Variants in UGDH observed in about 807,000 individuals in gnomAD.
UGDH encodes the protein UDP-glucose 6-dehydrogenase.
In UGDH, 38 loss-of-function variants were observed where a neutral mutation model predicts 50.6. The ratio of observed to expected loss-of-function variants is 0.75; its 90% CI spans 0.58 to 0.98. The LOEUF is 0.98. Ranked by LOEUF, UGDH falls within the 50% of genes least tolerant of loss-of-function variation. The probability of loss-of-function intolerance (pLI) is 0.00; values close to 1 mark genes in which losing one functional copy is unlikely to be tolerated. For missense variants in UGDH, 465 were observed against 606.2 expected (o/e 0.77, Z 2.45); for synonymous variants, 168 against 199.9 (o/e 0.84, Z 1.35).
intron 1 of UGDH, among the ~76,000 whole-genome samples, chr4:39,525,499 TTC>T (rs1746840941): frequency 2.8e-5 from 2 of 70,628 alleles, no homozygotes; most frequent in Non-Finnish European, 5.7e-5. Context: ...CAGCCCCATT[TTC>T]TTTTCTTTTT....
At chr4:39,502,442 C>T (rs1745856248) in intron 11 of UGDH, among the ~76,000 whole-genome samples, 2 of 152,198 alleles carry the variant, frequency 1.3e-5, no homozygotes, top group African/African-American at 4.8e-5. Context: ...CAGATTAGGC[C>T]TTACTGATAC....
At chr4:39,514,896 G>A (rs1009990905) in intron 2 of UGDH, among the ~76,000 whole-genome samples, 3 of 152,044 alleles carry the variant, frequency 2.0e-5, no homozygotes, top group African/African-American at 7.2e-5. Flanking sequence ...TGGCTAGGAT[G>A]GTCTTGAACT....
chr4:39,515,989 T>G (rs910105687), intron 2 of UGDH, among the ~76,000 whole-genome samples: 2 of 152,168 alleles, frequency 1.3e-5, no homozygotes, highest in African/African-American at 2.4e-5. Context: ...CATGAGCCAC[T>G]GTGCCTGGCC....
At chr4:39,508,411 T>G (rs1165520478) in intron 7 of UGDH, among the ~76,000 whole-genome samples, 155 bp downstream of exon 7, 1 of 152,130 alleles carries the variant, frequency 6.6e-6, no homozygotes, top group Non-Finnish European at 1.5e-5. Flanking sequence ...TTTTTAAAAT[T>G]TTTGTAGAGA....
intron 3 of UGDH, among the ~76,000 whole-genome samples, chr4:39,512,594 C>A (rs1462534913): frequency 6.6e-6 from 1 of 152,160 alleles, no homozygotes. Flanking sequence ...AATGTCCTTT[C>A]TGCAGAAAAT....
At chr4:39,521,069 CAAAAAAAAA>C (rs1179305904) in intron 2 of UGDH, among the ~76,000 whole-genome samples, 2 of 80,070 alleles carry the variant, frequency 2.5e-5, no homozygotes, top group African/African-American at 7.9e-5. Context: ...GACTCCGTCT[CAAAAAAAAA>C]AAAAAAAAAA....
At chr4:39,514,271 G>A (rs1746361688) in intron 2 of UGDH, 87 bp from the exon 3 acceptor site, 2 of 1,061,524 alleles carry the variant, frequency 1.9e-6, no homozygotes, top group South Asian at 2.8e-5. Flanking sequence ...TTTGTTAAAG[G>A]GCATGGTAAT....
intron 3 of UGDH, among the ~76,000 whole-genome samples, chr4:39,511,081 C>T (rs1746227459): frequency 6.6e-6 from 1 of 152,044 alleles, no homozygotes; most frequent in African/African-American, 2.4e-5. Context: ...TGTTAGGAAG[C>T]TACTATCTAT....
At chr4:39,514,513 G>A (rs73238597) in intron 2 of UGDH, among the ~76,000 whole-genome samples, 2 of 151,058 alleles carry the variant, frequency 1.3e-5, no homozygotes, top group Non-Finnish European at 3.0e-5. Context: ...CAGGAGCCAT[G>A]AGGCCTGGCT....
intron 7 of UGDH, 62 bp downstream of exon 7, chr4:39,508,504 G>A (rs1306190835): frequency 1.5e-5 from 23 of 1,509,034 alleles, no homozygotes; most frequent in Middle Eastern, 1.7e-4. Flanking sequence ...AAAGTGCTGC[G>A]ATTACAGGTG....
At chr4:39,511,232 A>G (rs1038556007) in intron 3 of UGDH, among the ~76,000 whole-genome samples, 2 of 151,318 alleles carry the variant, frequency 1.3e-5, no homozygotes, top group Non-Finnish European at 2.9e-5. Context: ...TACATAATAT[A>G]TTATTATAGT....
intron 3 of UGDH, among the ~76,000 whole-genome samples, chr4:39,511,710 CTT>C (rs59465226): frequency 2.5e-4 from 33 of 134,656 alleles, no homozygotes; most frequent in Non-Finnish European, 1.6e-4. Flanking sequence ...CAAAGACTTG[CTT>C]TTTTTTTTTT....
chr4:39,510,864 G>C lies in UGDH; in HGVS notation c.265-3C>G. 1 of 1,614,068 alleles carries C rather than the reference G, an allele frequency of 6.2e-7. No individual in the cohort carries two copies. The highest frequency in any genetic ancestry group is 8.5e-7 in the Non-Finnish European group (1 of 1,180,010). On this transcript the variant is annotated splice_region_variant and splice_polypyrimidine_tract_variant and intron_variant, in intron 3 of 11. Transcript: ENST00000316423. ...TAGGTTTTTGTTGGAGTATTCACCT[G>C]ATGTAAGTATATGGGATAAAGAACA...
At position 39,509,841 on chromosome 4, in the gene UGDH, T is replaced by C. The variant is rs1453094335; in HGVS notation, c.730A>G (p.Thr244Ala). 1.2e-6 allele frequency: 2 copies of C among 1,613,298 alleles called. No homozygotes were observed. The highest frequency in any genetic ancestry group is 1.3e-5 in the African/African-American group (1 of 74,928). The change falls in exon 6 of 12, where the codon ACA becomes GCA. Residue 244 changes from threonine to alanine, a missense_variant. By Grantham distance (58) the Thr-to-Ala change is moderately conservative (BLOSUM62 0). Transcript: ENST00000316423. ...GCTACCTCTTCTACATCAGCTCCTG[T>C]TGCTTCACACAGAGCACTTATGGAG... is the stretch of plus-strand genomic sequence containing the variant. ...INSISALCEA[T>A]GADVEEVATA...
At chr4:39,522,198 A>C (rs1433109279) in intron 1 of UGDH, among the ~76,000 whole-genome samples, 1 of 152,230 alleles carries the variant, frequency 6.6e-6, no homozygotes, top group Non-Finnish European at 1.5e-5. Flanking sequence ...TGGGTTACAC[A>C]GATTTTGATA....
In UGDH at chr4:39,499,166, A is replaced by C. The variant is rs1271579407; in HGVS notation, c.*977T>G. 6.9e-6 allele frequency: 1 copy of C among 145,412 alleles called. No individual in the cohort carries two copies. The highest frequency in any genetic ancestry group is 1.5e-5 in the Non-Finnish European group (1 of 65,218). The allele number at this position is 145,412 out of a possible 1,614,324, so 9.0% of individuals were successfully genotyped here. A position where few individuals can be genotyped will look rare whatever the true frequency, so the allele number is the denominator to read the frequency against. ...GAAATTAAAATGTAAAACCAAGATA[A>C]ATATTTTTGGCTTTTGGACTAAAAA... On this transcript the variant is annotated 3_prime_UTR_variant, in exon 12 of 12. Transcript: ENST00000316423.
chr4:39,508,525 T>C (rs778672270), intron 7 of UGDH, 41 bp downstream of exon 7: 5 of 1,586,606 alleles, frequency 3.2e-6, no homozygotes, highest in South Asian at 2.2e-5. Context: ...TGAACCACTA[T>C]GCCTGGCTAA....
rs149281403 is a variant in UGDH, at chr4:39,503,209, C to T, written c.1374+666G>A. Among the ~76,000 whole-genome samples, 414 of 152,304 alleles carry T rather than the reference C, an allele frequency of 2.7e-3. 2 individuals carry two copies. The highest frequency in any genetic ancestry group is 9.4e-3 in the African/African-American group (392 of 41,550). ...GGATTATAGGCGTGAGCCACCGCGC[C>T]CAGCAATTTTTGTATTTGTTAATAG... On this transcript the variant is annotated intron_variant, in intron 11 of 11. Coordinates refer to ENST00000316423, the MANE Select transcript of UGDH (RefSeq NM_003359.4).
Position 39,510,813 on chromosome 4 carries a change from C to G in UGDH, c.313G>C (p.Asp105His). The G allele has an allele frequency of 6.2e-7, 1 of 1,614,194 alleles. No individual in the cohort carries two copies. Among genetic ancestry groups the G allele is most frequent in the Non-Finnish European group, 8.5e-7 (1 of 1,180,038 alleles). Residue 105 changes from aspartate (D) to histidine (H), a missense_variant, in exon 4 of 12, where the codon GAT (aspartate) becomes CAT (histidine). Asp to His is a moderately conservative substitution (Grantham distance 81, BLOSUM62 -1). Coordinates refer to ENST00000316423, the MANE Select transcript of UGDH (RefSeq NM_003359.4). ...TYGMGKGRAADLKYIEACARR... is the reference protein window; with the variant it reads ...TYGMGKGRAAHLKYIEACARR... ...GCACAAGCTTCAATATACTTCAGAT[C>G]TGCTGCCCGGCCTTTCCCCATTCCA... is the stretch of plus-strand genomic sequence containing the variant.
Sources: gnomAD v4.1 joint callset for allele counts (sites outside exome capture counted in the v4.1 genomes callset) on GRCh38, gnomAD v4.1.1 for gene constraint, MANE v1.5 for transcripts, NCBI Gene and HGNC (gene_info 2026-07-23, HGNC 2026-07-21) for gene names.